The following SNX29 variants were observed in gnomAD, a reference collection of about 807,000 sequenced individuals.
The protein encoded by SNX29 is sorting nexin-29.
In SNX29, 78 loss-of-function variants were observed where a neutral mutation model predicts 102.1. The ratio of observed to expected loss-of-function variants is 0.76; its 90% CI spans 0.64 to 0.92. The LOEUF (loss-of-function observed/expected upper bound fraction) is 0.92. SNX29 is among the 40% of genes least tolerant of loss of function. SNX29 has a pLI of 0.00. For synonymous variants in SNX29, 580 were observed against 414.5 expected (o/e 1.40, Z -4.85); for missense variants, 1,280 against 1,061.7 (o/e 1.21, Z -2.86).
In SNX29 at chr16:12,398,436, C is replaced by T; in HGVS notation, c.1900-10C>T. On this transcript the variant is annotated splice_polypyrimidine_tract_variant and intron_variant, in intron 16 of 20. Transcript: ENST00000566228. ...TTTTTTCTCCCCTCTCCCCCTTCTCCTGATGGTAGGTGCCTGGAGATTTGA... is the reference window on the plus strand; with the variant it reads ...TTTTTTCTCCCCTCTCCCCCTTCTCTTGATGGTAGGTGCCTGGAGATTTGA... 6.2e-7 allele frequency: 1 copy of T among 1,614,006 alleles called. No individual in the cohort carries two copies. Among genetic ancestry groups the T allele is most frequent in the East Asian group, 2.2e-5 (1 of 44,884 alleles).
chr16:12,384,751 G>C (rs997456625), intron 16 of SNX29, among the ~76,000 whole-genome samples: 1 of 152,054 alleles, frequency 6.6e-6, no homozygotes, highest in Non-Finnish European at 1.5e-5. Context: ...TTTTTGCTTT[G>C]GTTGCCTGCT....
At chr16:12,153,639 AAT>A (rs1491343254) in intron 13 of SNX29, among the ~76,000 whole-genome samples, 1 of 139,794 alleles carries the variant, frequency 7.2e-6, no homozygotes, top group Non-Finnish European at 1.6e-5. Context: ...ACACCTGGCT[AAT>A]TTTTTTTTTT....
chr16:12,150,666 G>A lies in SNX29; in HGVS notation c.1595+20908G>A, dbSNP rs146862873. On this transcript the variant is annotated intron_variant, in intron 13 of 20. Transcript: ENST00000566228. ...GTGATCACATCTTGAGATAGTGTGCGTGAGCTGCATCCCTTTGTAATTGCC... is the reference window on the plus strand; with the variant it reads ...GTGATCACATCTTGAGATAGTGTGCATGAGCTGCATCCCTTTGTAATTGCC... Among the ~76,000 whole-genome samples the A allele has an allele frequency of 5.3e-3, 808 of 152,326 alleles. 9 individuals carry two copies. The highest frequency in any genetic ancestry group is 0.019 in the African/African-American group (771 of 41,554).
chr16:12,487,739 C>T (rs754476337), intron 19 of SNX29, among the ~76,000 whole-genome samples: 10 of 152,196 alleles, frequency 6.6e-5, no homozygotes, highest in Non-Finnish European at 1.2e-4. Context: ...CACACCATCC[C>T]CCGCAACTGC....
intron 19 of SNX29, among the ~76,000 whole-genome samples, chr16:12,503,683 C>T (rs1309435909): frequency 1.3e-5 from 2 of 152,168 alleles, no homozygotes; most frequent in Non-Finnish European, 2.9e-5. Context: ...TCTTTCCCTC[C>T]TTCCCTCTCT....
chr16:11,997,964 A>G (rs987751060), intron 1 of SNX29, among the ~76,000 whole-genome samples: 1 of 152,294 alleles, frequency 6.6e-6, no homozygotes, highest in South Asian at 2.1e-4. Context: ...AACCTGGCTT[A>G]TAGGGTGAAT....
intron 14 of SNX29, among the ~76,000 whole-genome samples, chr16:12,265,040 G>T (rs367662020): frequency 2.0e-4 from 30 of 152,296 alleles, no homozygotes; most frequent in African/African-American, 7.2e-4. Flanking sequence ...TGTTTGGAAT[G>T]AGCTGGTTTA....
At chr16:12,087,764 CT>C in intron 11 of SNX29, 1 of 437,868 alleles carries the variant, frequency 2.3e-6, no homozygotes, top group Middle Eastern at 3.3e-4. Flanking sequence ...AAATACAGTG[CT>C]CAGAGTCACA....
At chr16:12,271,426 T>A (rs940387525) in intron 14 of SNX29, among the ~76,000 whole-genome samples, 2 of 152,208 alleles carry the variant, frequency 1.3e-5, no homozygotes, top group African/African-American at 4.8e-5. Flanking sequence ...GAAGCTGCAG[T>A]CTTTATAACT....
At chr16:12,274,094 T>A (rs1163175219) in intron 14 of SNX29, among the ~76,000 whole-genome samples, 1 of 152,212 alleles carries the variant, frequency 6.6e-6, no homozygotes, top group African/African-American at 2.4e-5. Flanking sequence ...ATTGCTAGAA[T>A]TCTTCCCTTC....
intron 13 of SNX29, among the ~76,000 whole-genome samples, chr16:12,186,162 C>T (rs1366468888): frequency 6.6e-6 from 1 of 152,082 alleles, no homozygotes; most frequent in Non-Finnish European, 1.5e-5. Context: ...ACCACGTGGG[C>T]CATTACTGTA....
At chr16:12,221,734 C>T (rs940539292) in intron 14 of SNX29, among the ~76,000 whole-genome samples, 14 of 152,308 alleles carry the variant, frequency 9.2e-5, no homozygotes, top group African/African-American at 2.6e-4. Context: ...ACTGAACATC[C>T]GTCGCATTTG....
intron 16 of SNX29, among the ~76,000 whole-genome samples, chr16:12,397,672 CA>C (rs1309714485): frequency 2.0e-5 from 3 of 152,170 alleles, no homozygotes; most frequent in Admixed American, 6.5e-5. Flanking sequence ...AGAAAAATAT[CA>C]ACATTTATTG....
intron 19 of SNX29, among the ~76,000 whole-genome samples, chr16:12,510,640 T>A (rs536961642): frequency 6.6e-6 from 1 of 151,722 alleles, no homozygotes; most frequent in African/African-American, 2.4e-5. Flanking sequence ...CCCACTGCAC[T>A]CCAGCCTGGG....
chr16:12,247,016 G>A lies in SNX29; in HGVS notation c.1679-30917G>A, dbSNP rs1021258411. Among the ~76,000 whole-genome samples the A allele has an allele frequency of 5.9e-5, 9 of 152,184 alleles. No individual in the cohort carries two copies. In the East Asian group the frequency reaches 7.7e-4, roughly 13 times the overall value. ...TGTTGCTAGAACTCAGAGAGTGAGG[G>A]GAGCAGGGCCTTGTAGGTCCCTGGA... On this transcript the variant is annotated intron_variant, in intron 14 of 20. Coordinates refer to ENST00000566228, the MANE Select transcript of SNX29 (RefSeq NM_032167.5).
chr16:12,362,807 C>A (rs898194908), intron 16 of SNX29, among the ~76,000 whole-genome samples: 3 of 152,096 alleles, frequency 2.0e-5, no homozygotes, highest in Non-Finnish European at 4.4e-5. Context: ...TGTCATGTTA[C>A]ATTGATTTAT....
intron 3 of SNX29, among the ~76,000 whole-genome samples, chr16:12,010,022 A>G (rs1321335331): frequency 6.6e-6 from 1 of 152,200 alleles, no homozygotes; most frequent in African/African-American, 2.4e-5. Context: ...TGGGTTTGCC[A>G]GTTCTGGGTT....
intron 14 of SNX29, among the ~76,000 whole-genome samples, chr16:12,258,702 G>C (rs781103594): frequency 6.6e-6 from 1 of 152,172 alleles, no homozygotes; most frequent in African/African-American, 2.4e-5. Context: ...TTCTTGGAGA[G>C]TGAATGGTAC....
chr16:12,248,163 G>A (rs1012123487), intron 14 of SNX29, among the ~76,000 whole-genome samples: 8 of 152,142 alleles, frequency 5.3e-5, no homozygotes, highest in Non-Finnish European at 1.2e-4. Context: ...GCCCTCTGAG[G>A]GAACCCTTTA....
Sources: gnomAD v4.1 joint callset for allele counts (sites outside exome capture counted in the v4.1 genomes callset) on GRCh38, gnomAD v4.1.1 for gene constraint, MANE v1.5 for transcripts, NCBI Gene and HGNC (gene_info 2026-07-23, HGNC 2026-07-21) for gene names.